The following DNAH11 variants were observed in gnomAD, a reference collection of about 807,000 sequenced individuals.
The protein encoded by DNAH11 is axonemal beta dynein heavy chain 11.
In DNAH11, 442 loss-of-function variants were observed where a neutral mutation model predicts 526.0. That is an observed-to-expected ratio of 0.84 (90% CI 0.78 to 0.91). The LOEUF is 0.91. Among genes scored for constraint, DNAH11 ranks in the 40% least tolerant of loss-of-function variants. The pLI is 0.00. For synonymous variants in DNAH11, 2,461 were observed against 1,935.9 expected, an observed-to-expected ratio of 1.27 and a Z score of -7.12; for missense variants, 6,989 against 5,448.7, an observed-to-expected ratio of 1.28 and a Z score of -8.90.
Position 21,658,958 on chromosome 7 carries a change from C to G in DNAH11, c.5255C>G (p.Thr1752Arg). 1 of 1,610,886 alleles carries G rather than the reference C, an allele frequency of 6.2e-7. No individual in the cohort carries two copies. Among genetic ancestry groups the G allele is most frequent in the Non-Finnish European group, 8.5e-7 (1 of 1,178,656 alleles). ...ACCAGCTCACAAATATGGTGGACCA[C>G]AGATGTAGGAATAGCCTTCAGTAGA... The part of the protein sequence containing the change: ...ALTSSQIWWT[T>R]DVGIAFSRLE... The change falls in exon 30 of 82, where the codon ACA becomes AGA. Residue 1752 changes from threonine to arginine, a missense_variant. Thr to Arg is a moderately conservative substitution (Grantham distance 71, BLOSUM62 -1). Transcript: ENST00000409508.
At chr7:21,729,095 G>A (rs1785264422) in intron 45 of DNAH11, among the ~76,000 whole-genome samples, 2 of 152,232 alleles carry the variant, frequency 1.3e-5, no homozygotes, top group Admixed American at 1.3e-4. Flanking sequence ...TTTCGGGCCG[G>A]CCAGTGGTGG....
At position 21,725,932 on chromosome 7, in the gene DNAH11, C is replaced by T. The variant is rs375153180; in HGVS notation, c.7388C>T (p.Pro2463Leu). The T allele has an allele frequency of 1.3e-5, 21 of 1,566,050 alleles. No individual in the cohort carries two copies. The highest frequency in any genetic ancestry group is 1.6e-5 in the Non-Finnish European group (19 of 1,154,270). The change falls in exon 45 of 82, where the codon CCC (proline) becomes CTC (leucine). Residue 2463 changes from proline (P) to leucine (L), a missense_variant. Pro to Leu is a moderately conservative substitution (Grantham distance 98). Transcript: ENST00000409508. ...GACCACAAAACTAAGAAATTATTGCCCTGGGCTGACAAAATTGCCCAGTTT... is the reference window on the plus strand; with the variant it reads ...GACCACAAAACTAAGAAATTATTGCTCTGGGCTGACAAAATTGCCCAGTTT... Reference protein sequence around the residue: ...YVDHKTKKLLPWADKIAQFTM... With the variant: ...YVDHKTKKLLLWADKIAQFTM...
chr7:21,717,036 T>A (rs1784691193), intron 42 of DNAH11, among the ~76,000 whole-genome samples: 1 of 152,172 alleles, frequency 6.6e-6, no homozygotes, highest in East Asian at 1.9e-4. Context: ...TCATCCTTAG[T>A]GAGAACTTTC....
chr7:21,572,765 T>C (rs11983366), intron 8 of DNAH11, among the ~76,000 whole-genome samples: 19,401 of 152,176 alleles, frequency 0.13, 2,526 homozygotes, highest in African/African-American at 0.32. Context: ...CTCTGAATTA[T>C]AGTCAGTTTT....
At chr7:21,895,952 A>G (rs1186549325) in intron 79 of DNAH11, among the ~76,000 whole-genome samples, 1 of 151,824 alleles carries the variant, frequency 6.6e-6, no homozygotes, top group African/African-American at 2.4e-5. Flanking sequence ...GATGGTCTCA[A>G]TCTCCTGACC....
At chr7:21,864,460 A>T in intron 69 of DNAH11, 75 bp from the exon 70 acceptor site, 1 of 1,493,056 alleles carries the variant, frequency 6.7e-7, no homozygotes, top group Non-Finnish European at 9.1e-7. Context: ...CATGTCTGTT[A>T]AATGTGTGAC....
chr7:21,545,146 T>G lies in DNAH11; in HGVS notation c.492T>G (p.Asp164Glu). Residue 164 changes from aspartate to glutamate, a missense_variant, in exon 2 of 82, where the codon GAT becomes GAG. By Grantham distance (45) the Asp-to-Glu change is conservative. Transcript: ENST00000409508. ...LSLGHVSAFL[D>E]EILVPVLSNK... ...TTGGACATGTATCTGCTTTCCTTGA[T>G]GAGGTACTGGTCTGTCTTTAATATT... 1 of 1,608,982 alleles carries G rather than the reference T, an allele frequency of 6.2e-7. No homozygotes were observed. Among genetic ancestry groups the G allele is most frequent in the Non-Finnish European group, 8.5e-7 (1 of 1,177,436 alleles).
chr7:21,748,247 G>C (rs568643502), intron 51 of DNAH11, among the ~76,000 whole-genome samples: 5 of 152,200 alleles, frequency 3.3e-5, no homozygotes, highest in Non-Finnish European at 4.4e-5. Context: ...ACTTTGGGAG[G>C]CCAAGGCGGG....
chr7:21,543,543 G>A lies in DNAH11; in HGVS notation c.298G>A (p.Ala100Thr), dbSNP rs749766034. Residue 100 changes from alanine (A) to threonine (T), a missense_variant, in exon 1 of 82, where the codon GCT (alanine) becomes ACT (threonine). By Grantham distance (58) the Ala-to-Thr change is moderately conservative. Transcript: ENST00000409508. The part of the protein sequence containing the change: ...LGEFLESTSP[A>T]CLVFSFAASG... ...GGAGTTTCTGGAAAGCACCAGCCCG[G>A]CTTGCCTTGTGTTTAGCTTCGCCGC... is the stretch of plus-strand genomic sequence containing the variant. 1.2e-6 allele frequency: 2 copies of A among 1,609,240 alleles called. No homozygotes were observed. Among genetic ancestry groups the A allele is most frequent in the African/African-American group, 1.3e-5 (1 of 75,016 alleles).
intron 21 of DNAH11, 26 bp downstream of exon 21, chr7:21,615,298 C>T: frequency 6.2e-7 from 1 of 1,604,030 alleles, no homozygotes. Flanking sequence ...TCAAAACATG[C>T]TTTTTATTTA....
intron 48 of DNAH11, among the ~76,000 whole-genome samples, chr7:21,740,221 T>C (rs1052856028): frequency 1.3e-5 from 2 of 152,158 alleles, no homozygotes; most frequent in East Asian, 3.9e-4. Flanking sequence ...TTATTATTGT[T>C]GTAAAATACA....
chr7:21,899,297 C>T, intron 79 of DNAH11, 39 bp from the exon 80 acceptor site: 1 of 1,544,722 alleles, frequency 6.5e-7, no homozygotes, highest in Non-Finnish European at 9.0e-7. Context: ...GGCTATTTTA[C>T]TGAACAGCAA....
At chr7:21,562,451 T>G (rs1298255040) in intron 5 of DNAH11, among the ~76,000 whole-genome samples, 1 of 151,478 alleles carries the variant, frequency 6.6e-6, no homozygotes, top group East Asian at 1.9e-4. Flanking sequence ...GCTGTTGGCA[T>G]TTTTTTTTCT....
chr7:21,878,173 G>A (rs573323957), intron 74 of DNAH11, among the ~76,000 whole-genome samples: 2 of 152,324 alleles, frequency 1.3e-5, no homozygotes. Context: ...GGCCTGAACT[G>A]TGGAATGGTA....
intron 76 of DNAH11, among the ~76,000 whole-genome samples, chr7:21,885,731 G>A (rs947478604): frequency 2.6e-5 from 4 of 152,090 alleles, no homozygotes; most frequent in Non-Finnish European, 5.9e-5. Context: ...CCATCAATAT[G>A]TACAATTATT....
intron 13 of DNAH11, 59 bp from the exon 14 acceptor site, chr7:21,591,126 A>C: frequency 6.6e-7 from 1 of 1,522,784 alleles, no homozygotes; most frequent in African/African-American, 1.4e-5. Context: ...TACACCTTTA[A>C]GACAGAGAAA....
chr7:21,645,865 T>A (rs1787334426), intron 28 of DNAH11, among the ~76,000 whole-genome samples: 1 of 152,204 alleles, frequency 6.6e-6, no homozygotes, highest in Non-Finnish European at 1.5e-5. Context: ...TGAGGAAGGA[T>A]ATCTTCATAA....
chr7:21,644,367 T>C (rs968531060), intron 28 of DNAH11, among the ~76,000 whole-genome samples: 6 of 152,178 alleles, frequency 3.9e-5, no homozygotes, highest in Non-Finnish European at 8.8e-5. Context: ...TAATCATTCA[T>C]AGTATGCCAA....
intron 74 of DNAH11, among the ~76,000 whole-genome samples, 155 bp from the exon 75 acceptor site, chr7:21,880,544 TCTC>T (rs757665856): frequency 2.0e-5 from 3 of 152,198 alleles, no homozygotes; most frequent in African/African-American, 4.8e-5. Flanking sequence ...TGCCAAATAA[TCTC>T]CTGTTAAGCT....
Sources: allele counts gnomAD v4.1 joint callset (sites outside exome capture counted in the v4.1 genomes callset), GRCh38; gene constraint gnomAD v4.1.1; transcripts MANE v1.5; gene names NCBI Gene and HGNC (gene_info 2026-07-23, HGNC 2026-07-21).